Variants in PCLO observed in about 807,000 individuals in gnomAD.
The protein encoded by PCLO is protein piccolo.
In PCLO, 82 loss-of-function variants were observed where a neutral mutation model predicts 427.5. The observed-to-expected ratio is 0.19, with a 90% CI of 0.16 to 0.23. PCLO has a LOEUF of 0.23. Among genes scored for constraint, PCLO ranks in the 10% least tolerant of loss-of-function variants. The pLI, the probability that PCLO is intolerant of heterozygous loss-of-function variation, is 1.00. For synonymous variants in PCLO, 2,357 were observed against 2,155.4 expected, an observed-to-expected ratio of 1.09 and a Z score of -2.59; for missense variants, 6,239 against 6,115.9, an observed-to-expected ratio of 1.02 and a Z score of -0.67.
intron 14 of PCLO, among the ~76,000 whole-genome samples, chr7:82,840,263 T>TAGTA (rs1253807459): frequency 6.6e-6 from 1 of 152,020 alleles, no homozygotes; most frequent in Admixed American, 6.6e-5. Context: ...GTCATCAGGG[T>TAGTA]AGTACTGTTA....
chr7:82,824,466 TG>T, intron 18 of PCLO, 50 bp from the exon 19 acceptor site: 1 of 1,180,000 alleles, frequency 8.5e-7, no homozygotes, highest in Non-Finnish European at 1.2e-6. Flanking sequence ...AAAGTATAAT[TG>T]ATTCATTACT....
chr7:82,852,664 C>T (rs1039847111), intron 10 of PCLO, among the ~76,000 whole-genome samples: 9 of 152,038 alleles, frequency 5.9e-5, no homozygotes, highest in African/African-American at 9.7e-5. Flanking sequence ...GCCTATCATG[C>T]GACTTTATAT....
intron 3 of PCLO, among the ~76,000 whole-genome samples, chr7:83,058,513 G>A (rs968774638): frequency 8.5e-5 from 13 of 152,094 alleles, no homozygotes; most frequent in African/African-American, 2.9e-4. Flanking sequence ...AAATTGTTAT[G>A]CAATATAACT....
intron 8 of PCLO, among the ~76,000 whole-genome samples, chr7:82,902,987 A>C (rs534220209): frequency 6.6e-6 from 1 of 152,160 alleles, no homozygotes; most frequent in African/African-American, 2.4e-5. Flanking sequence ...TGTATTTGAA[A>C]AATTAATAAG....
intron 3 of PCLO, among the ~76,000 whole-genome samples, chr7:83,016,221 A>G (rs1000103048): frequency 1.3e-5 from 2 of 152,174 alleles, no homozygotes; most frequent in Non-Finnish European, 2.9e-5. Flanking sequence ...AGGAAATGTC[A>G]AAATAAAATT....
chr7:83,101,076 T>G (rs936820618), intron 3 of PCLO, among the ~76,000 whole-genome samples: 4 of 151,964 alleles, frequency 2.6e-5, no homozygotes, highest in African/African-American at 9.7e-5. Context: ...CAAGGTCCTT[T>G]ACTAAACTGA....
chr7:82,789,240 T>C (rs1429300140), intron 22 of PCLO, among the ~76,000 whole-genome samples: 1 of 152,184 alleles, frequency 6.6e-6, no homozygotes, highest in African/African-American at 2.4e-5. Flanking sequence ...CAACAGCTCA[T>C]ATTAATTTTA....
At chr7:83,119,823 G>GA (rs71074621) in intron 3 of PCLO, among the ~76,000 whole-genome samples, 2,652 of 141,688 alleles carry the variant, frequency 0.019, 52 homozygotes, top group East Asian at 0.06. Flanking sequence ...AATCCTATCA[G>GA]AAAAAAAAAA....
chr7:82,821,782 T>A, intron 20 of PCLO: 1 of 982,410 alleles, frequency 1.0e-6, no homozygotes, highest in Non-Finnish European at 1.2e-6. Context: ...GACCCAATTG[T>A]GCTCCTCAGT....
rs865833227 is a variant in PCLO at position 82,914,808 on chromosome 7, C to T, written c.13178G>A (p.Gly4393Glu). 1 of 1,613,438 alleles carries T rather than the reference C, an allele frequency of 6.2e-7. No homozygotes were observed. The highest frequency in any genetic ancestry group is 2.2e-5 in the East Asian group (1 of 44,736). ...PISADTRDQF[G>E]SSHSLPEVQQ... ...AACTTCAGGCAATGAGTGGCTTGAT[C>T]CAAACTGATCCCTGGTGTCTGCAGA... The change falls in exon 7 of 25, where the codon GGA becomes GAA. Residue 4393 changes from glycine to glutamate, a missense_variant. This residue lies in a region of PCLO where 877 missense variants were observed against 925.5 expected (regional missense o/e 0.95). Coordinates refer to ENST00000333891, the MANE Select transcript of PCLO (RefSeq NM_033026.6).
chr7:82,861,030 A>C (rs1792942075), intron 10 of PCLO, among the ~76,000 whole-genome samples: 1 of 152,086 alleles, frequency 6.6e-6, no homozygotes, highest in African/African-American at 2.4e-5. Flanking sequence ...CACTAGAGGA[A>C]AACAGGAAGG....
chr7:83,022,111 C>A (rs1788358765), intron 3 of PCLO, among the ~76,000 whole-genome samples: 1 of 151,922 alleles, frequency 6.6e-6, no homozygotes, highest in Non-Finnish European at 1.5e-5. Context: ...GAGGGAGGAG[C>A]CCTCATGAAT....
chr7:82,783,232 G>A (rs190412942), intron 22 of PCLO, among the ~76,000 whole-genome samples: 2 of 152,212 alleles, frequency 1.3e-5, no homozygotes, highest in Admixed American at 1.3e-4. Flanking sequence ...AACATTCTTT[G>A]GTTTTGAGTT....
chr7:83,121,642 TAA>T (rs1407419663), intron 3 of PCLO, among the ~76,000 whole-genome samples: 3 of 150,736 alleles, frequency 2.0e-5, no homozygotes, highest in Non-Finnish European at 4.4e-5. Flanking sequence ...ACTTCACCTA[TAA>T]AGACACACAT....
chr7:82,954,467 C>A lies in PCLO; in HGVS notation c.6486G>T (p.Leu2162=). 1 of 1,613,974 alleles carries A rather than the reference C, an allele frequency of 6.2e-7. No homozygotes were observed. The highest frequency in any genetic ancestry group is 8.5e-7 in the Non-Finnish European group (1 of 1,179,854). Residue 2162 remains leucine, a synonymous_variant, in exon 5 of 25, where the codon CTG becomes CTT. Coordinates refer to ENST00000333891, the MANE Select transcript of PCLO (RefSeq NM_033026.6). ...EIQEIIAHES[L]ILTYSEPSES... Reference sequence around the variant, plus strand: ...CTGAAGGCTCCGAGTAGGTCAAAATCAGCGATTCATGGGCAATTATCTCTT... The same window carrying A: ...CTGAAGGCTCCGAGTAGGTCAAAATAAGCGATTCATGGGCAATTATCTCTT...
Position 83,134,242 on chromosome 7 carries a change from T to TAA in PCLO, c.3300+6_3300+7dup, listed in dbSNP as rs1554402669. On this transcript the variant is annotated splice_region_variant and intron_variant, in intron 3 of 24. Coordinates refer to ENST00000333891, the MANE Select transcript of PCLO (RefSeq NM_033026.6). ...TAATATATATATATATATATATATA[T>TAA]AACTTACCTCAGTCAAATGTGGTGT... The TAA allele has an allele frequency of 2.7e-3, 2,924 of 1,067,232 alleles. 255 individuals carry two copies. The highest frequency in any genetic ancestry group is 0.01 in the South Asian group (618 of 59,146). The allele number at this position is 1,067,232 out of a possible 1,614,324, so 66.1% of individuals were successfully genotyped here.
chr7:82,797,508 G>A (rs1791250646), intron 22 of PCLO, among the ~76,000 whole-genome samples: 1 of 152,082 alleles, frequency 6.6e-6, no homozygotes, highest in African/African-American at 2.4e-5. Context: ...AAGTGGTCGT[G>A]TATAGCTCTC....
At chr7:83,088,792 T>C (rs1377433028) in intron 3 of PCLO, among the ~76,000 whole-genome samples, 1 of 152,130 alleles carries the variant, frequency 6.6e-6, no homozygotes, top group Non-Finnish European at 1.5e-5. Context: ...GTGATGTCCT[T>C]ACCACAGAGA....
At chr7:82,760,943 C>CTTT (rs767222339) in intron 23 of PCLO, among the ~76,000 whole-genome samples, 159 bp from the exon 24 acceptor site, 948 of 60,400 alleles carry the variant, frequency 0.016, 219 homozygotes, top group East Asian at 0.032. Context: ...AAAGATATGT[C>CTTT]TTTTTTTTTT....
Sources: allele counts gnomAD v4.1 joint callset (sites outside exome capture counted in the v4.1 genomes callset), GRCh38; gene constraint gnomAD v4.1.1; regional missense constraint gnomAD v4.1.1; transcripts MANE v1.5; gene names NCBI Gene and HGNC (gene_info 2026-07-23, HGNC 2026-07-21).